Variants in LARGE1 observed in about 807,000 individuals in gnomAD.
LARGE1 encodes xylosyl- and glucuronyltransferase LARGE1.
Under a neutral mutation model 87.6 loss-of-function variants are expected in LARGE1, and 43 were observed. That is an observed-to-expected ratio of 0.49 (90% CI 0.38 to 0.63). The LOEUF (loss-of-function observed/expected upper bound fraction) is 0.63, where lower values mean the gene tolerates loss of function less well. Ranked by LOEUF, LARGE1 falls within the 30% of genes least tolerant of loss-of-function variation. The pLI is 0.00. For missense variants in LARGE1, 802 were observed against 1,000.2 expected (o/e 0.80, Z 2.67); for synonymous variants, 434 against 394.6 (o/e 1.10, Z -1.18).
At chr22:33,240,600 A>T (rs1214513030) in intron 11 of LARGE1, among the ~76,000 whole-genome samples, 1 of 152,194 alleles carries the variant, frequency 6.6e-6, no homozygotes, top group Non-Finnish European at 1.5e-5. Context: ...AGGTTGTGTA[A>T]GTCCTCCTAA....
the LARGE1 span, among the ~76,000 whole-genome samples, chr22:33,125,355 C>T: frequency 2.9e-4 from 44 of 152,208 alleles, 1 homozygote; most frequent in African/African-American, 9.4e-4. Context: ...GACAAGATTA[C>T]TACCAAGGAG....
At chr22:33,531,742 T>G (rs1261403128) in intron 6 of LARGE1, among the ~76,000 whole-genome samples, 2 of 152,190 alleles carry the variant, frequency 1.3e-5, no homozygotes, top group Middle Eastern at 3.2e-3. Context: ...ATAGTAGACT[T>G]CAATTACCTG....
At chr22:33,700,766 C>G (rs1414884455) in intron 2 of LARGE1, among the ~76,000 whole-genome samples, 2 of 152,156 alleles carry the variant, frequency 1.3e-5, no homozygotes, top group Admixed American at 6.5e-5. Context: ...GAGGGAAAAA[C>G]AGAAACAAAA....
chr22:33,751,911 G>A (rs1394769489), intron 2 of LARGE1, among the ~76,000 whole-genome samples: 1 of 152,002 alleles, frequency 6.6e-6, no homozygotes, highest in Admixed American at 6.6e-5. Flanking sequence ...GGGGCTACAA[G>A]CATGCTAATT....
chr22:33,816,674 G>GAATGGATAGATA (rs1556115448), intron 1 of LARGE1, among the ~76,000 whole-genome samples: 1 of 141,328 alleles, frequency 7.1e-6, no homozygotes, highest in Non-Finnish European at 1.5e-5. Context: ...ACGGATGGAT[G>GAATGGATAGATA]GATAGATAGA....
chr22:33,596,498 T>C (rs2078979289), intron 5 of LARGE1, among the ~76,000 whole-genome samples: 1 of 151,868 alleles, frequency 6.6e-6, no homozygotes, highest in Non-Finnish European at 1.5e-5. Flanking sequence ...ATAAAGAAAA[T>C]GGGAAAGTGG....
intron 6 of LARGE1, among the ~76,000 whole-genome samples, chr22:33,501,667 C>T (rs924311027): frequency 8.5e-5 from 13 of 152,288 alleles, no homozygotes; most frequent in South Asian, 2.1e-4. Flanking sequence ...TTGAATTGAA[C>T]GCCAGGCCTG....
intron 6 of LARGE1, among the ~76,000 whole-genome samples, chr22:33,455,377 T>G (rs556009553): frequency 6.6e-6 from 1 of 152,340 alleles, no homozygotes; most frequent in Non-Finnish European, 1.5e-5. Context: ...AGAACTCTAA[T>G]ATTATGTACA....
chr22:33,319,767 T>C (rs1038347920), intron 10 of LARGE1, among the ~76,000 whole-genome samples: 1 of 151,256 alleles, frequency 6.6e-6, no homozygotes, highest in Non-Finnish European at 1.5e-5. Flanking sequence ...GTGCTATTGG[T>C]ATTTTGTGGG....
chr22:33,657,861 G>A (rs971185334), intron 2 of LARGE1, among the ~76,000 whole-genome samples: 4 of 151,976 alleles, frequency 2.6e-5, no homozygotes, highest in South Asian at 2.1e-4. Flanking sequence ...CTTGGGTGCT[G>A]TGTCTGCATC....
At chr22:33,298,927 C>G (rs149987445) in intron 12 of LARGE1, among the ~76,000 whole-genome samples, 1 of 138,230 alleles carries the variant, frequency 7.2e-6, no homozygotes, top group Non-Finnish European at 1.6e-5. Context: ...GAGAGAGAGA[C>G]GCGGGAAGCA....
intron 6 of LARGE1, among the ~76,000 whole-genome samples, chr22:33,515,243 T>C (rs2071249236): frequency 6.6e-6 from 1 of 152,142 alleles, no homozygotes; most frequent in African/African-American, 2.4e-5. Context: ...GAAACCTAGA[T>C]TTTAATGAAG....
At chr22:33,500,915 T>C (rs948025131) in intron 6 of LARGE1, among the ~76,000 whole-genome samples, 2 of 152,146 alleles carry the variant, frequency 1.3e-5, no homozygotes, top group African/African-American at 4.8e-5. Flanking sequence ...TAGAAGATCA[T>C]TCACTCCCAG....
chr22:33,752,327 C>A (rs1200962425), intron 2 of LARGE1, among the ~76,000 whole-genome samples: 1 of 152,048 alleles, frequency 6.6e-6, no homozygotes, highest in Non-Finnish European at 1.5e-5. Context: ...AATTAAGAGA[C>A]CTATTCAAAC....
intron 12 of LARGE1, among the ~76,000 whole-genome samples, chr22:33,286,139 C>A (rs190372988): frequency 2.6e-5 from 4 of 152,302 alleles, no homozygotes; most frequent in Admixed American, 2.0e-4. Flanking sequence ...GTCTGAGGAC[C>A]AGAGGTTTGA....
intron 2 of LARGE1, among the ~76,000 whole-genome samples, chr22:33,682,467 G>A (rs1326662426): frequency 1.3e-5 from 2 of 152,138 alleles, no homozygotes; most frequent in African/African-American, 4.8e-5. Flanking sequence ...GCCCCCAAAT[G>A]GGAAATTCTT....
chr22:33,555,759 T>C (rs1454571629), intron 6 of LARGE1, among the ~76,000 whole-genome samples: 1 of 151,642 alleles, frequency 6.6e-6, no homozygotes, highest in African/African-American at 2.4e-5. Flanking sequence ...TGAAACCCCA[T>C]CTCTACTAAA....
intron 2 of LARGE1, among the ~76,000 whole-genome samples, chr22:33,692,926 A>G (rs1347282536): frequency 1.3e-5 from 2 of 152,204 alleles, no homozygotes; most frequent in Non-Finnish European, 2.9e-5. Context: ...ACATCATTCT[A>G]TTATAAAGAC....
intron 11 of LARGE1, among the ~76,000 whole-genome samples, chr22:33,202,066 G>A (rs147711608): frequency 0.03 from 4,568 of 151,938 alleles, 93 homozygotes; most frequent in Admixed American, 0.056. Context: ...AACCAGGGAG[G>A]CGGAGGTTGC....
Sources: gnomAD v4.1 joint callset for allele counts (sites outside exome capture counted in the v4.1 genomes callset) on GRCh38, gnomAD v4.1.1 for gene constraint, MANE v1.5 for transcripts, NCBI Gene and HGNC (gene_info 2026-07-23, HGNC 2026-07-21) for gene names.